Variants in GNAO1 observed in about 807,000 individuals in gnomAD.
GNAO1 encodes the protein G protein subunit alpha o1, also known as guanine nucleotide-binding protein G(o) subunit alpha.
For synonymous variants in GNAO1, 164 were observed against 180.7 expected (o/e 0.91, Z 0.74); for missense variants, 166 against 478.7 (o/e 0.35, Z 6.10).
chr16:56,220,191 G>T (rs1007804717), intron 2 of GNAO1, among the ~76,000 whole-genome samples: 16 of 152,022 alleles, frequency 1.1e-4, no homozygotes, highest in African/African-American at 3.6e-4. Context: ...CTGGGACAAG[G>T]CTCCTGAGTC....
At chr16:56,197,259 G>T (rs2036241594) in intron 2 of GNAO1, among the ~76,000 whole-genome samples, 1 of 152,230 alleles carries the variant, frequency 6.6e-6, no homozygotes, top group Admixed American at 6.5e-5. Context: ...CACTCTTCTA[G>T]ATTTGTAGAC....
chr16:56,342,238 G>A (rs1596876471), intron 6 of GNAO1, among the ~76,000 whole-genome samples: 1 of 152,188 alleles, frequency 6.6e-6, no homozygotes, highest in Non-Finnish European at 1.5e-5. Context: ...AAGGAGGAGG[G>A]GACAAGGGAG....
intron 3 of GNAO1, chr16:56,302,184 G>A (rs1686780817): frequency 6.6e-6 from 1 of 152,178 alleles, no homozygotes; most frequent in Non-Finnish European, 1.5e-5. Flanking sequence ...GCAGACTAAG[G>A]TTCCCTGGGT....
intron 6 of GNAO1, among the ~76,000 whole-genome samples, chr16:56,338,370 G>A (rs1247741203): frequency 3.3e-5 from 5 of 152,176 alleles, no homozygotes; most frequent in South Asian, 2.1e-4. Context: ...GGGTGGATGC[G>A]CTTCCTGGGC....
intron 6 of GNAO1, chr16:56,341,033 C>A: frequency 6.5e-7 from 1 of 1,545,402 alleles, no homozygotes; most frequent in Non-Finnish European, 8.9e-7. Flanking sequence ...GAGCGGGCCC[C>A]GTTCCCAAAG....
At chr16:56,224,093 G>C (rs935767345) in intron 2 of GNAO1, among the ~76,000 whole-genome samples, 2 of 152,202 alleles carry the variant, frequency 1.3e-5, no homozygotes, top group Non-Finnish European at 2.9e-5. Flanking sequence ...CAGAGCCCCA[G>C]GATGTGGCCA....
intron 2 of GNAO1, among the ~76,000 whole-genome samples, chr16:56,196,659 A>G (rs1261957909): frequency 2.0e-5 from 3 of 152,218 alleles, no homozygotes; most frequent in African/African-American, 7.2e-5. Flanking sequence ...AGTTCAGGCT[A>G]TCTGTCTCTG....
At chr16:56,237,076 C>T (rs1222371540) in intron 2 of GNAO1, among the ~76,000 whole-genome samples, 1 of 152,210 alleles carries the variant, frequency 6.6e-6, no homozygotes, top group South Asian at 2.1e-4. Flanking sequence ...ACATGAAGTA[C>T]TTAGCACATT....
intron 2 of GNAO1, among the ~76,000 whole-genome samples, chr16:56,223,405 CTT>C (rs2143373978): frequency 6.6e-6 from 1 of 152,358 alleles, no homozygotes; most frequent in African/African-American, 2.4e-5. Context: ...ATCTCTCTCT[CTT>C]TCTCTGATCC....
intron 3 of GNAO1, among the ~76,000 whole-genome samples, chr16:56,318,267 G>A (rs2037533706): frequency 1.3e-5 from 2 of 152,244 alleles, no homozygotes; most frequent in African/African-American, 2.4e-5. Flanking sequence ...GCAGGCCTGG[G>A]TGGGAGCGCT....
chr16:56,253,852 C>G (rs1223626205), intron 2 of GNAO1, among the ~76,000 whole-genome samples: 1 of 152,184 alleles, frequency 6.6e-6, no homozygotes, highest in Non-Finnish European at 1.5e-5. Flanking sequence ...GAGATGCCAA[C>G]TCTTCCTGGG....
chr16:56,197,961 T>G (rs560679291), intron 2 of GNAO1, among the ~76,000 whole-genome samples: 6 of 152,246 alleles, frequency 3.9e-5, no homozygotes, highest in Admixed American at 1.3e-4. Flanking sequence ...TCTCATTTCT[T>G]ATGGAGCCAG....
chr16:56,224,122 C>T (rs901794832), intron 2 of GNAO1, among the ~76,000 whole-genome samples: 1 of 152,166 alleles, frequency 6.6e-6, no homozygotes, highest in South Asian at 2.1e-4. Context: ...CTGGCCAGTA[C>T]GTCTTCCTCT....
At chr16:56,200,821 T>A (rs965089427) in intron 2 of GNAO1, among the ~76,000 whole-genome samples, 1 of 152,200 alleles carries the variant, frequency 6.6e-6, no homozygotes, top group Non-Finnish European at 1.5e-5. Flanking sequence ...TTGATTTGGA[T>A]ACCAGAGTAT....
intron 2 of GNAO1, chr16:56,194,504 G>A (rs1021646253): frequency 2.8e-5 from 9 of 317,678 alleles, no homozygotes; most frequent in Middle Eastern, 1.1e-3. Flanking sequence ...CCCAGCCGAG[G>A]CCGGAAAAGT....
intron 6 of GNAO1, chr16:56,340,644 G>A: frequency 1.6e-6 from 1 of 631,882 alleles, no homozygotes; most frequent in Non-Finnish European, 2.8e-6. Context: ...CCTGCGTGTG[G>A]AATGAAACAG....
chr16:56,317,100 A>G (rs2037519130), intron 3 of GNAO1, among the ~76,000 whole-genome samples: 1 of 152,216 alleles, frequency 6.6e-6, no homozygotes, highest in Non-Finnish European at 1.5e-5. Context: ...CTGAAAAGGA[A>G]AGAAAGTTAG....
chr16:56,351,636 G>T lies in GNAO1; in HGVS notation c.877+99G>T. 1.1e-6 allele frequency: 1 copy of T among 939,360 alleles called. No homozygotes were observed. The highest frequency in any genetic ancestry group is 1.6e-6 in the Non-Finnish European group (1 of 609,976). The allele number at this position is 939,360 out of a possible 1,614,324, so 58.2% of individuals were successfully genotyped here. On this transcript the variant is annotated intron_variant, in intron 7 of 8. Transcript: ENST00000262493. The surrounding 1 kb of genome is among the most constrained non-coding windows in gnomAD (Gnocchi z 6.1). ...TCGGCCAGCACTGCTGGGGCTAGCTGGCGAGCGGGACCCATTGCAGGAGAC... is the reference window on the plus strand; with the variant it reads ...TCGGCCAGCACTGCTGGGGCTAGCTTGCGAGCGGGACCCATTGCAGGAGAC...
At chr16:56,258,797 A>G (rs1486248168) in intron 2 of GNAO1, among the ~76,000 whole-genome samples, 1 of 152,310 alleles carries the variant, frequency 6.6e-6, no homozygotes, top group East Asian at 1.9e-4. Flanking sequence ...CTCCTCTGGG[A>G]GAGACAGGGG....
Sources: allele counts gnomAD v4.1 joint callset (sites outside exome capture counted in the v4.1 genomes callset), GRCh38; gene constraint gnomAD v4.1.1; non-coding constraint Gnocchi (gnomAD v3.1); transcripts MANE v1.5; gene names NCBI Gene and HGNC (gene_info 2026-07-23, HGNC 2026-07-21).